Variants in CEACAM3 observed in about 807,000 individuals in gnomAD.
CEACAM3 encodes the protein CEA cell adhesion molecule 3, also known as cell adhesion molecule CEACAM3.
CEACAM3 carries 32 observed loss-of-function variants against 30.1 expected under a neutral mutation model. The observed-to-expected ratio is 1.06, with a 90% CI of 0.80 to 1.43. CEACAM3 has a LOEUF of 1.43. Ranked by LOEUF, CEACAM3 falls within the 40% of genes most tolerant of loss-of-function variation. CEACAM3 has a pLI of 0.00. For synonymous variants in CEACAM3, 134 were observed against 127.2 expected, an observed-to-expected ratio of 1.05 and a Z score of -0.36; for missense variants, 290 against 316.3, an observed-to-expected ratio of 0.92 and a Z score of 0.63.
intron 2 of CEACAM3, 147 bp from the exon 3 acceptor site, chr19:41,808,666 A>G (rs1261821914): frequency 3.1e-6 from 2 of 643,200 alleles, no homozygotes; most frequent in African/African-American, 3.8e-5. Flanking sequence ...AAGCAAGGGA[A>G]TCTGTGATGA....
intron 5 of CEACAM3, 93 bp from the exon 6 acceptor site, chr19:41,810,739 G>T: frequency 8.5e-7 from 1 of 1,181,038 alleles, no homozygotes; most frequent in South Asian, 1.2e-5. Flanking sequence ...GAGGGGAAAT[G>T]ACCAGAAGTA....
rs1555825383 is a variant in CEACAM3 at position 41,797,658 on chromosome 19, T to G, written c.134T>G (p.Val45Gly). Residue 45 changes from valine (V) to glycine (G), a missense_variant, in exon 2 of 7, where the codon GTC becomes GGC. Val to Gly is a moderately radical substitution (Grantham distance 109). Transcript: ENST00000357396. ...KLTIESMPLSVAEGKEVLLLV... is the reference protein window; with the variant it reads ...KLTIESMPLSGAEGKEVLLLV... ...ACTATTGAATCCATGCCGCTCAGTG[T>G]CGCAGAGGGGAAGGAGGTGCTTCTA... The G allele has an allele frequency of 2.5e-6, 4 of 1,614,154 alleles. No individual in the cohort carries two copies. The highest frequency in any genetic ancestry group is 3.4e-6 in the Non-Finnish European group (4 of 1,180,032).
In CEACAM3 at chr19:41,810,345, T is replaced by A; in HGVS notation, c.618T>A (p.Ser206=). Residue 206 remains serine, a synonymous_variant, in exon 5 of 7, where the codon TCT becomes TCA. Coordinates refer to ENST00000357396, the MANE Select transcript of CEACAM3 (RefSeq NM_001815.5). ...CAGGCCGTGGTCCCTCCCACAGCTC[T>A]GCCTTCTCGGTAAGCCTGTCCCCTT... ...LAPGRGPSHS[S]AFSMSPLSTA... 1 of 1,604,386 alleles carries A rather than the reference T, an allele frequency of 6.2e-7. No individual in the cohort carries two copies. Among genetic ancestry groups the A allele is most frequent in the East Asian group, 2.2e-5 (1 of 44,670 alleles).
In CEACAM3 at chr19:41,796,638, C is replaced by T. The variant is rs782283551; in HGVS notation, c.-40C>T. The T allele has an allele frequency of 6.2e-7, 1 of 1,609,974 alleles. No individual in the cohort carries two copies. Among genetic ancestry groups the T allele is most frequent in the African/African-American group, 1.3e-5 (1 of 74,828 alleles). ...GACTACAGCATTCCTGGAGCCCAGG[C>T]TCTTTTCCACAGAGGAGGAAAGAGC... On this transcript the variant is annotated 5_prime_UTR_variant, in exon 1 of 7. Coordinates refer to ENST00000357396, the MANE Select transcript of CEACAM3 (RefSeq NM_001815.5).
intron 2 of CEACAM3, among the ~76,000 whole-genome samples, chr19:41,805,449 T>C (rs773447237): frequency 1.5e-4 from 23 of 151,894 alleles, no homozygotes; most frequent in Non-Finnish European, 2.9e-4. Context: ...CCACCACACC[T>C]GGCTAATTTT....
chr19:41,810,412 G>T, intron 5 of CEACAM3, 58 bp downstream of exon 5: 1 of 1,536,204 alleles, frequency 6.5e-7, no homozygotes, highest in Non-Finnish European at 8.9e-7. Context: ...CAGGCTCTGG[G>T]CAGAGGGACC....
chr19:41,811,011 G>C (rs930338403), intron 6 of CEACAM3, 114 bp downstream of exon 6: 5 of 1,283,202 alleles, frequency 3.9e-6, no homozygotes, highest in African/African-American at 1.5e-5. Context: ...AAATAAGAAC[G>C]GGGGTGGCGA....
At chr19:41,797,139 G>T (rs1420002093) in intron 1 of CEACAM3, 3 of 235,816 alleles carry the variant, frequency 1.3e-5, no homozygotes, top group African/African-American at 6.9e-5. Flanking sequence ...AGGCACTGGC[G>T]TACAACAAAT....
intron 2 of CEACAM3, among the ~76,000 whole-genome samples, chr19:41,804,009 A>G (rs1555826370): frequency 6.6e-6 from 1 of 151,808 alleles, no homozygotes; most frequent in African/African-American, 2.4e-5. Context: ...TGAACCTGGG[A>G]GGTAGAGATT....
chr19:41,810,937 A>G, intron 6 of CEACAM3, 40 bp downstream of exon 6: 1 of 1,562,012 alleles, frequency 6.4e-7, no homozygotes, highest in Non-Finnish European at 8.8e-7. Flanking sequence ...CACAGGCCCC[A>G]GGGGACCCAG....
intron 1 of CEACAM3, 97 bp downstream of exon 1, chr19:41,796,838 C>T (rs2073106501): frequency 7.6e-7 from 1 of 1,321,006 alleles, no homozygotes; most frequent in African/African-American, 1.5e-5. Context: ...GGACAGAAGG[C>T]TTCTGCTGAA....
chr19:41,799,731 A>G (rs1181065311), intron 2 of CEACAM3, among the ~76,000 whole-genome samples: 1 of 152,184 alleles, frequency 6.6e-6, no homozygotes, highest in East Asian at 1.9e-4. Flanking sequence ...CCAGTGAGAG[A>G]CACACACTCA....
At chr19:41,807,141 A>G (rs1400678659) in intron 2 of CEACAM3, 1 of 1,581,962 alleles carries the variant, frequency 6.3e-7, no homozygotes, top group Non-Finnish European at 8.6e-7. Flanking sequence ...ATCTCCAGCA[A>G]CAACTCCAAC....
At chr19:41,802,058 G>A (rs139820699) in intron 2 of CEACAM3, among the ~76,000 whole-genome samples, 146 of 152,306 alleles carry the variant, frequency 9.6e-4, no homozygotes, top group Middle Eastern at 3.4e-3. Flanking sequence ...GCCACCTTGA[G>A]GCTAGAAGCC....
intron 6 of CEACAM3, 29 bp from the exon 7 acceptor site, chr19:41,811,143 G>T (rs375907038): frequency 6.2e-7 from 1 of 1,610,664 alleles, no homozygotes; most frequent in Non-Finnish European, 8.5e-7. Context: ...GAGACTAGAG[G>T]GGTCCAGGCC....
intron 2 of CEACAM3, among the ~76,000 whole-genome samples, chr19:41,808,358 A>T (rs1168819797): frequency 6.6e-6 from 1 of 152,158 alleles, no homozygotes; most frequent in Non-Finnish European, 1.5e-5. Context: ...CCTCAAGGTG[A>T]TGTAAGGATG....
chr19:41,811,122 C>T (rs1555827572), intron 6 of CEACAM3, 50 bp from the exon 7 acceptor site: 1 of 1,590,230 alleles, frequency 6.3e-7, no homozygotes, highest in Middle Eastern at 1.7e-4. Flanking sequence ...GACGCCACAC[C>T]CTGTTCTGAG....
intron 1 of CEACAM3, 55 bp downstream of exon 1, chr19:41,796,796 G>T: frequency 6.4e-7 from 1 of 1,559,014 alleles, no homozygotes; most frequent in Non-Finnish European, 8.7e-7. Flanking sequence ...AGAATGGCTG[G>T]GGTCTCCTGG....
chr19:41,798,909 G>A lies in CEACAM3; in HGVS notation c.424+961G>A, dbSNP rs369567783. ...ACAGTCACCGACTAGGGTCACACAA[G>A]TCAAAGGTGTCAGATTAGAGTCACA... On this transcript the variant is annotated intron_variant, in intron 2 of 6. Coordinates refer to ENST00000357396, the MANE Select transcript of CEACAM3 (RefSeq NM_001815.5). Among the ~76,000 whole-genome samples, 22 of 152,276 alleles carry A rather than the reference G, an allele frequency of 1.4e-4. No individual in the cohort carries two copies. In the East Asian group the frequency reaches 2.3e-3, roughly 16 times the overall value.
Sources: gnomAD v4.1 joint callset for allele counts (sites outside exome capture counted in the v4.1 genomes callset) on GRCh38, gnomAD v4.1.1 for gene constraint, MANE v1.5 for transcripts, NCBI Gene and HGNC (gene_info 2026-07-23, HGNC 2026-07-21) for gene names.